The following FLNB variants were observed in gnomAD, a reference collection of about 807,000 sequenced individuals.
FLNB encodes the protein filamin B, also known as filamin-B.
FLNB carries 111 observed loss-of-function variants against 250.6 expected under a neutral mutation model. The observed-to-expected ratio is 0.44, with a 90% CI of 0.38 to 0.52. The LOEUF (loss-of-function observed/expected upper bound fraction) is 0.52. FLNB is among the 20% of genes least tolerant of loss of function. FLNB has a pLI of 0.00. For synonymous variants in FLNB, 1,302 were observed against 1,372.1 expected, an observed-to-expected ratio of 0.95 and a Z score of 1.13; for missense variants, 2,869 against 3,447.8, an observed-to-expected ratio of 0.83 and a Z score of 4.20.
In FLNB at chr3:58,123,501, G is replaced by C. The variant is rs17058845; in HGVS notation, c.3535G>C (p.Glu1179Gln). ...EAVSDSGTKA[E>Q]VSIQNNKDGT... The stretch of plus-strand genomic sequence containing the variant: ...TGTCTCGGACTCGGGAACAAAAGCC[G>C]AAGTCAGTATTCAGAACAACAAAGA... Residue 1179 changes from glutamate (E) to glutamine (Q), a missense_variant, in exon 21 of 46, where the codon GAA becomes CAA. Around this residue, in one of 5 missense-constraint regions of FLNB, gnomAD observed 1,348 missense variants for 1,466.7 expected, o/e 0.92. Coordinates refer to ENST00000295956, the MANE Select transcript of FLNB (RefSeq NM_001457.4). 1.2e-6 allele frequency: 2 copies of C among 1,603,822 alleles called. No homozygotes were observed. Among genetic ancestry groups the C allele is most frequent in the Non-Finnish European group, 1.7e-6 (2 of 1,173,944 alleles).
At position 58,138,266 on chromosome 3, in the gene FLNB, C is replaced by A. The variant is rs765187436; in HGVS notation, c.4862-16C>A. 3 of 1,613,236 alleles carry A rather than the reference C, an allele frequency of 1.9e-6. No homozygotes were observed. Among genetic ancestry groups the A allele is most frequent in the Non-Finnish European group, 2.5e-6 (3 of 1,179,948 alleles). ...GTGTCCATACTTCCATTCTCTTCCC[C>A]TGAACTCTTCTCCAGGTCCTGGAAT... On this transcript the variant is annotated splice_polypyrimidine_tract_variant and intron_variant, in intron 28 of 45. Transcript: ENST00000295956.
chr3:58,091,449 G>A (rs2097227175), intron 4 of FLNB, among the ~76,000 whole-genome samples: 1 of 151,842 alleles, frequency 6.6e-6, no homozygotes, highest in Non-Finnish European at 1.5e-5. Context: ...AAACCTTTTC[G>A]GCACATGGTG....
At chr3:58,075,555 C>A (rs142848669) in intron 1 of FLNB, among the ~76,000 whole-genome samples, 112 of 152,160 alleles carry the variant, frequency 7.4e-4, no homozygotes, top group African/African-American at 2.6e-3. Flanking sequence ...TTCTGAGGTG[C>A]TGTGTATGTT....
Position 58,130,924 on chromosome 3 carries a change from G to A in FLNB, c.4390+16G>A, listed in dbSNP as rs1386201961. 1.2e-6 allele frequency: 2 copies of A among 1,605,782 alleles called. No homozygotes were observed. The highest frequency in any genetic ancestry group is 1.7e-6 in the Non-Finnish European group (2 of 1,176,486). ...GGCCCACGAGGTAAGTGTGCACCCT[G>A]CCTTCCTGCAGACATTCATCTGCCC... On this transcript the variant is annotated intron_variant, in intron 25 of 45. Transcript: ENST00000295956.
At chr3:58,114,996 T>C (rs1035269343) in intron 18 of FLNB, among the ~76,000 whole-genome samples, 2 of 152,202 alleles carry the variant, frequency 1.3e-5, no homozygotes, top group Non-Finnish European at 2.9e-5. Flanking sequence ...ACTCCTTGGT[T>C]TGCCTTTTCA....
At chr3:58,009,313 C>G (rs924450570) in intron 1 of FLNB, among the ~76,000 whole-genome samples, 1 of 152,148 alleles carries the variant, frequency 6.6e-6, no homozygotes, top group Non-Finnish European at 1.5e-5. Context: ...GAGGCCGGGC[C>G]GTGAGACCTG....
intron 4 of FLNB, among the ~76,000 whole-genome samples, chr3:58,083,283 T>C (rs2097211886): frequency 6.6e-6 from 1 of 151,252 alleles, no homozygotes; most frequent in East Asian, 1.9e-4. Flanking sequence ...TCTGAATAGT[T>C]AAGGGCATGT....
intron 12 of FLNB, among the ~76,000 whole-genome samples, chr3:58,107,320 C>T (rs1488373206): frequency 1.3e-5 from 2 of 152,186 alleles, no homozygotes; most frequent in African/African-American, 4.8e-5. Flanking sequence ...GTGTGAGCCT[C>T]CACACCCAGC....
chr3:58,146,571 TG>T (rs2097336134), intron 33 of FLNB: 1 of 513,432 alleles, frequency 1.9e-6, no homozygotes. Context: ...CCATGCATCC[TG>T]AGAGTAGAGA....
At chr3:58,145,866 T>A in intron 32 of FLNB, 55 bp from the exon 33 acceptor site, 1 of 1,612,992 alleles carries the variant, frequency 6.2e-7, no homozygotes, top group Middle Eastern at 1.7e-4. Context: ...TTGTCCAGGG[T>A]CTTCGTTCAC....
In FLNB at chr3:58,102,235, C is replaced by T. The variant is rs903315552; in HGVS notation, c.1378C>T (p.Arg460Ter). 5.0e-6 allele frequency: 8 copies of T among 1,614,180 alleles called. No individual in the cohort carries two copies. Among genetic ancestry groups the T allele is most frequent in the Admixed American group, 1.7e-5 (1 of 60,018 alleles). Reference sequence around the variant, plus strand: ...TCCAAATGCCTGCCGGGCCAGTGGCCGAGGCCTACAACCCAAAGGCGTCCG... The same window carrying T: ...TCCAAATGCCTGCCGGGCCAGTGGCTGAGGCCTACAACCCAAAGGCGTCCG... ...CNPNACRASG[R>*]GLQPKGVRIR... The change falls in exon 9 of 46, where the codon CGA becomes TGA. Residue 460 changes from arginine (R) to a stop codon, truncating the protein, a stop_gained. Transcript: ENST00000295956. LOFTEE classifies it high-confidence loss of function.
chr3:58,159,741 T>G, intron 42 of FLNB, 55 bp downstream of exon 42: 1 of 1,594,504 alleles, frequency 6.3e-7, no homozygotes, highest in Non-Finnish European at 8.5e-7. Context: ...AGCAGAATGT[T>G]CCTGTAAATG....
At chr3:58,154,644 G>A in intron 39 of FLNB, 147 bp from the exon 40 acceptor site, 6 of 782,602 alleles carry the variant, frequency 7.7e-6, no homozygotes, top group East Asian at 5.1e-5. Flanking sequence ...ATGGACCTTG[G>A]ACCTTGCTTG....
intron 31 of FLNB, among the ~76,000 whole-genome samples, chr3:58,143,191 G>T (rs1021902816): frequency 9.9e-5 from 15 of 151,920 alleles, no homozygotes; most frequent in African/African-American, 3.6e-4. Context: ...GTATCCAGCT[G>T]GTTTCATGGT....
At chr3:58,020,048 G>GGGGTGTGTGT in intron 1 of FLNB, among the ~76,000 whole-genome samples, 1 of 136,996 alleles carries the variant, frequency 7.3e-6, no homozygotes. Flanking sequence ...ACACCACAGG[G>GGGGTGTGTGT]GTGTGTGTGT....
At chr3:58,168,267 G>T (rs950846716) in intron 43 of FLNB, among the ~76,000 whole-genome samples, 173 bp from the exon 44 acceptor site, 1 of 152,174 alleles carries the variant, frequency 6.6e-6, no homozygotes, top group African/African-American at 2.4e-5. Flanking sequence ...CCCCCACCCC[G>T]CAGGGCCTGA....
chr3:58,138,176 G>A, intron 28 of FLNB, 106 bp from the exon 29 acceptor site: 1 of 1,446,986 alleles, frequency 6.9e-7, no homozygotes, highest in South Asian at 1.2e-5. Context: ...AGCAGTTGGA[G>A]GCCTAACATT....
chr3:58,131,133 A>G (rs567740659), intron 25 of FLNB, among the ~76,000 whole-genome samples: 10 of 152,164 alleles, frequency 6.6e-5, no homozygotes, highest in African/African-American at 1.2e-4. Flanking sequence ...ATGGCTATCA[A>G]TTTCTTAGAG....
intron 1 of FLNB, among the ~76,000 whole-genome samples, chr3:58,018,905 T>A (rs1275609850): frequency 7.4e-6 from 1 of 134,698 alleles, no homozygotes; most frequent in African/African-American, 2.9e-5. Flanking sequence ...AGGCCGGTGC[T>A]GGAGGATCTA....
Sources: allele counts gnomAD v4.1 joint callset (sites outside exome capture counted in the v4.1 genomes callset), GRCh38; gene constraint gnomAD v4.1.1; regional missense constraint gnomAD v4.1.1; transcripts MANE v1.5; gene names NCBI Gene and HGNC (gene_info 2026-07-23, HGNC 2026-07-21).